The following EXT1 variants were observed in gnomAD, a reference collection of about 807,000 sequenced individuals.
EXT1 encodes the protein exostosin-1.
In EXT1, 20 loss-of-function variants were observed where a neutral mutation model predicts 82.5. The ratio of observed to expected loss-of-function variants is 0.24; its 90% CI spans 0.17 to 0.35. The LOEUF is 0.35. Ranked by LOEUF, EXT1 falls within the 10% of genes least tolerant of loss-of-function variation. The pLI is 1.00. For missense variants in EXT1, 757 were observed against 936.5 expected (o/e 0.81, Z 2.50); for synonymous variants, 348 against 350.8 (o/e 0.99, Z 0.09).
chr8:118,027,475 C>CCAGACTCTA (rs1237486977), intron 1 of EXT1, among the ~76,000 whole-genome samples: 1 of 152,184 alleles, frequency 6.6e-6, no homozygotes, highest in Non-Finnish European at 1.5e-5. Context: ...AATGGCAGAG[C>CCAGACTCTA]CAGACTCTAG....
chr8:117,972,788 A>G (rs1470396107), intron 1 of EXT1, among the ~76,000 whole-genome samples: 1 of 152,182 alleles, frequency 6.6e-6, no homozygotes, highest in Non-Finnish European at 1.5e-5. Context: ...TAAGAAGTGC[A>G]GAGTGAAGAG....
intron 1 of EXT1, among the ~76,000 whole-genome samples, chr8:118,083,320 C>T (rs568102193): frequency 5.3e-5 from 8 of 152,298 alleles, no homozygotes; most frequent in Middle Eastern, 6.8e-3. Flanking sequence ...AATTAAAGAA[C>T]ATTTATGGAA....
intron 1 of EXT1, among the ~76,000 whole-genome samples, chr8:117,930,045 C>A (rs1260285960): frequency 2.0e-5 from 3 of 151,508 alleles, no homozygotes; most frequent in Middle Eastern, 3.2e-3. Flanking sequence ...GCGGAGGTTG[C>A]AGCAAGCCAA....
intron 1 of EXT1, among the ~76,000 whole-genome samples, chr8:118,002,528 CTTTTT>C (rs60354141): frequency 2.3e-5 from 2 of 87,096 alleles, no homozygotes; most frequent in African/African-American, 9.4e-5. Flanking sequence ...GAATATTTTT[CTTTTT>C]TTTTTTTTTT....
intron 1 of EXT1, among the ~76,000 whole-genome samples, chr8:117,882,490 T>G (rs969873036): frequency 6.6e-6 from 1 of 152,168 alleles, no homozygotes; most frequent in African/African-American, 2.4e-5. Context: ...CCACTATGAT[T>G]AAGGCTCCTT....
At chr8:117,868,132 GATCCCTACACC>G (rs1812806387) in intron 1 of EXT1, among the ~76,000 whole-genome samples, 1 of 152,136 alleles carries the variant, frequency 6.6e-6, no homozygotes, top group Non-Finnish European at 1.5e-5. Flanking sequence ...CCAAGCAAAT[GATCCCTACACC>G]AGGGTTAACA....
At chr8:118,034,947 G>C (rs1343380294) in intron 1 of EXT1, among the ~76,000 whole-genome samples, 4 of 152,168 alleles carry the variant, frequency 2.6e-5, no homozygotes, top group Admixed American at 1.3e-4. Flanking sequence ...GGTATTAGGA[G>C]CAAAAGGTGA....
At chr8:118,066,804 T>C (rs1274568288) in intron 1 of EXT1, among the ~76,000 whole-genome samples, 1 of 152,222 alleles carries the variant, frequency 6.6e-6, no homozygotes. Flanking sequence ...AAATTATACA[T>C]GGTTTTTCAG....
At position 117,980,425 on chromosome 8, in the gene EXT1, G is replaced by A. The variant is rs552816106; in HGVS notation, c.962+129660C>T. Among the ~76,000 whole-genome samples the A allele has an allele frequency of 3.3e-5, 5 of 152,210 alleles. No homozygotes were observed. The East Asian group carries it at 9.7e-4, about 29-fold the overall frequency. On this transcript the variant is annotated intron_variant, in intron 1 of 10. Coordinates refer to ENST00000378204, the MANE Select transcript of EXT1 (RefSeq NM_000127.3). ...ATCAGCAGGAGCACCCATTTCACTT[G>A]GAAGGAGACCTCCAGTGATGGGGAT...
rs74547818 is a variant in EXT1 at position 118,058,337 on chromosome 8, C to T, written c.962+51748G>A. Among the ~76,000 whole-genome samples, 961 of 152,164 alleles carry T rather than the reference C, an allele frequency of 6.3e-3. 16 individuals carry two copies. The highest frequency in any genetic ancestry group is 0.022 in the African/African-American group (895 of 41,510). On this transcript the variant is annotated intron_variant, in intron 1 of 10. Coordinates refer to ENST00000378204, the MANE Select transcript of EXT1 (RefSeq NM_000127.3). ...ATACCTCAATAAAAAGTTGAAGTAC[C>T]GCCTAAAAAGCAGCTCACACTTTGG...
chr8:118,084,372 C>A (rs1211877126), intron 1 of EXT1, among the ~76,000 whole-genome samples: 1 of 152,170 alleles, frequency 6.6e-6, no homozygotes, highest in African/African-American at 2.4e-5. Flanking sequence ...TCTGTACTAC[C>A]ATAGTACTTG....
intron 1 of EXT1, among the ~76,000 whole-genome samples, chr8:117,940,235 C>A (rs11562824): frequency 6.6e-6 from 1 of 152,270 alleles, no homozygotes; most frequent in South Asian, 2.1e-4. Flanking sequence ...GGCTACCTGC[C>A]CAGGCTGACT....
chr8:118,013,913 G>A (rs1482084917), intron 1 of EXT1, among the ~76,000 whole-genome samples: 1 of 152,172 alleles, frequency 6.6e-6, no homozygotes, highest in African/African-American at 2.4e-5. Context: ...CCTTGATGCA[G>A]TAAAAAGAAT....
intron 1 of EXT1, among the ~76,000 whole-genome samples, chr8:118,024,355 A>G (rs1329723290): frequency 1.3e-5 from 2 of 152,200 alleles, no homozygotes; most frequent in African/African-American, 4.8e-5. Context: ...CTAAAACACA[A>G]CTGTTTTCCA....
rs572318715 is a variant in EXT1, at chr8:117,849,876, C to T, written c.963-12675G>A. 3.4e-4 allele frequency among the ~76,000 whole-genome samples: 52 copies of T among 152,312 alleles called. No homozygotes were observed. In the South Asian group the frequency reaches 0.011, roughly 31 times the overall value. On this transcript the variant is annotated intron_variant, in intron 1 of 10. Transcript: ENST00000378204. The stretch of plus-strand genomic sequence containing the variant: ...TGTTTCTTTTGCCTTTTCTTTGCGT[C>T]CCAAATTATTATGGCATATACCCAA...
At chr8:117,905,667 C>T (rs149576603) in intron 1 of EXT1, among the ~76,000 whole-genome samples, 3,076 of 152,146 alleles carry the variant, frequency 0.02, 119 homozygotes, top group African/African-American at 0.071. Context: ...AAAAAATTAG[C>T]CGGGCGTGGT....
intron 1 of EXT1, among the ~76,000 whole-genome samples, chr8:118,066,471 G>C (rs1816990728): frequency 1.3e-5 from 2 of 151,776 alleles, no homozygotes. Flanking sequence ...CGATTCTCCT[G>C]CCTCAGCCTC....
chr8:117,808,970 C>A lies in EXT1; in HGVS notation c.1723-1593G>T, dbSNP rs146531599. ...TTGCCTGCCGGCTGAGCTGGGACAT[C>A]GAACTTCTATTGCCCTTGGACTGGG... On this transcript the variant is annotated intron_variant, in intron 8 of 10. Coordinates refer to ENST00000378204, the MANE Select transcript of EXT1 (RefSeq NM_000127.3). Among the ~76,000 whole-genome samples, 468 of 151,980 alleles carry A rather than the reference C, an allele frequency of 3.1e-3. 1 individual carries two copies. The highest frequency in any genetic ancestry group is 5.6e-3 in the Admixed American group (86 of 15,260).
In EXT1 at chr8:117,796,097, T is replaced by C. The variant is rs1165748043; in HGVS notation, c.*3615A>G. On this transcript the variant is annotated 3_prime_UTR_variant, in exon 11 of 11. Coordinates refer to ENST00000378204, the MANE Select transcript of EXT1 (RefSeq NM_000127.3). Reference sequence around the variant, plus strand: ...GCAACTGCGGTCCTGATGTACTGGCTGCATGTTGATTATATTCACAAGTAA... The same window carrying C: ...GCAACTGCGGTCCTGATGTACTGGCCGCATGTTGATTATATTCACAAGTAA... 1 of 152,194 alleles carries C rather than the reference T, an allele frequency of 6.6e-6. No homozygotes were observed. Among genetic ancestry groups the C allele is most frequent in the Non-Finnish European group, 1.5e-5 (1 of 68,032 alleles). The allele number at this position is 152,194 out of a possible 1,614,324, so 9.4% of individuals were successfully genotyped here.
Sources: allele counts gnomAD v4.1 joint callset (sites outside exome capture counted in the v4.1 genomes callset), GRCh38; gene constraint gnomAD v4.1.1; transcripts MANE v1.5; gene names NCBI Gene and HGNC (gene_info 2026-07-23, HGNC 2026-07-21).